The following ADGRF1 variants were observed in gnomAD, a reference collection of about 807,000 sequenced individuals.
The protein encoded by ADGRF1 is adhesion G protein-coupled receptor F1.
In ADGRF1, 85 loss-of-function variants were observed where a neutral mutation model predicts 87.2. That is an observed-to-expected ratio of 0.97 (90% CI 0.82 to 1.17). ADGRF1 has a LOEUF of 1.17. Among genes scored for constraint, ADGRF1 ranks in the 50% most tolerant of loss-of-function variants. The pLI is 0.00. For synonymous variants in ADGRF1, 430 were observed against 408.8 expected (o/e 1.05, Z -0.63); for missense variants, 1,169 against 1,077.2 (o/e 1.09, Z -1.19).
rs372362432 is a variant in ADGRF1 at position 47,010,252 on chromosome 6, G to A, written c.1183C>T (p.Arg395Trp). 17 of 1,613,696 alleles carry A rather than the reference G, an allele frequency of 1.1e-5. No homozygotes were observed. Among genetic ancestry groups the A allele is most frequent in the Admixed American group, 5.0e-5 (3 of 60,000 alleles). The change falls in exon 11 of 15, where the codon CGG (arginine) becomes TGG (tryptophan). Residue 395 changes from arginine (R) to tryptophan (W), a missense_variant. By Grantham distance (101) the Arg-to-Trp change is moderately radical (BLOSUM62 -3). Transcript: ENST00000371253. ...ASVTNWTVLL[R>W]EEKYASSRLL... ...CGTGAGCTGGCATACTTTTCTTCCC[G>A]CAGTAAGACTGTCCAGTTGGTTACT...
Position 47,042,253 on chromosome 6 carries a change from C to T in ADGRF1, c.-106G>A, listed in dbSNP as rs560789162. 6.6e-6 allele frequency: 1 copy of T among 152,282 alleles called. No homozygotes were observed. Among genetic ancestry groups the T allele is most frequent in the South Asian group, 2.1e-4 (1 of 4,820 alleles). 9.4% of individuals were successfully genotyped at this position (152,282 alleles called of 1,614,324 possible). On this transcript the variant is annotated 5_prime_UTR_variant, in exon 1 of 15. An upstream open reading frame in the 5' UTR loses its in-frame stop. Transcript: ENST00000371253. The stretch of plus-strand genomic sequence containing the variant: ...CCCTTCCTTCAGTATACTTGTGGCT[C>T]AATCACTTCTTATGCTGTTTGGAAA...
intron 12 of ADGRF1, among the ~76,000 whole-genome samples, chr6:47,006,230 C>T (rs375510189): frequency 3.3e-5 from 5 of 152,100 alleles, no homozygotes; most frequent in South Asian, 4.2e-4. Context: ...CAGCAAATTG[C>T]TTCTTTGTAG....
In ADGRF1 at chr6:47,020,746, T is replaced by C. The variant is rs763371244; in HGVS notation, c.596A>G (p.Gln199Arg). 7 of 1,613,970 alleles carry C rather than the reference T, an allele frequency of 4.3e-6. No individual in the cohort carries two copies. The South Asian group carries it at 7.7e-5, about 18-fold the overall frequency. ...TGTTACTTACCGAAATTGGGTGACC[T>C]GAACCGACTCAAAACCTTGAATTCT... ...YERIQGFESVQVTQFRNGSIV... is the reference protein window; with the variant it reads ...YERIQGFESVRVTQFRNGSIV... The change falls in exon 7 of 15, where the codon CAG becomes CGG. Residue 199 changes from glutamine (Q) to arginine (R), a missense_variant. Gln to Arg is a conservative substitution (Grantham distance 43, BLOSUM62 1). Transcript: ENST00000371253.
At chr6:47,037,746 CAA>C (rs1307444022) in intron 1 of ADGRF1, among the ~76,000 whole-genome samples, 1 of 152,148 alleles carries the variant, frequency 6.6e-6, no homozygotes, top group Non-Finnish European at 1.5e-5. Flanking sequence ...CTCCTGGGCT[CAA>C]GTGATCCTTC....
At chr6:47,000,530 C>T (rs1582130249) in intron 14 of ADGRF1, among the ~76,000 whole-genome samples, 1 of 152,080 alleles carries the variant, frequency 6.6e-6, no homozygotes, top group African/African-American at 2.4e-5. Context: ...TCAAATATTG[C>T]TGGGAAATGA....
At chr6:47,001,029 T>G (rs749058494) in intron 14 of ADGRF1, among the ~76,000 whole-genome samples, 1 of 152,234 alleles carries the variant, frequency 6.6e-6, no homozygotes, top group East Asian at 1.9e-4. Context: ...GAGGAGACAG[T>G]GCTCTTTCAC....
At chr6:47,013,827 G>T (rs1467437365) in intron 9 of ADGRF1, 1 of 183,302 alleles carries the variant, frequency 5.5e-6, no homozygotes, top group African/African-American at 2.4e-5. Context: ...CACAAGATCT[G>T]GTTGTTTAAA....
rs1779283631 is a variant in ADGRF1, at chr6:46,998,971, G to A, written c.*1251C>T. On this transcript the variant is annotated 3_prime_UTR_variant, in exon 15 of 15. Coordinates refer to ENST00000371253, the MANE Select transcript of ADGRF1 (RefSeq NM_153840.4). ...CCACTAACTAGAAGTTCCCCCAGCT[G>A]TCTTTATTTGCATAGCATGAAGGCT... 6.6e-6 allele frequency: 1 copy of A among 152,234 alleles called. No homozygotes were observed. Among genetic ancestry groups the A allele is most frequent in the Non-Finnish European group, 1.5e-5 (1 of 68,058 alleles). 9.4% of individuals were successfully genotyped at this position (152,234 alleles called of 1,614,324 possible).
At chr6:47,001,635 G>T in intron 13 of ADGRF1, 68 bp from the exon 14 acceptor site, 3 of 1,221,670 alleles carry the variant, frequency 2.5e-6, no homozygotes, top group Non-Finnish European at 2.4e-6. Flanking sequence ...TGCATTTCCT[G>T]ACTTCCTGAT....
chr6:47,026,284 T>C (rs139518912), intron 3 of ADGRF1, among the ~76,000 whole-genome samples: 279 of 152,194 alleles, frequency 1.8e-3, no homozygotes, highest in African/African-American at 6.1e-3. Flanking sequence ...CCCAATGTTA[T>C]ACACTTCCTC....
At chr6:47,038,127 C>T (rs1191832860) in intron 1 of ADGRF1, among the ~76,000 whole-genome samples, 1 of 152,210 alleles carries the variant, frequency 6.6e-6, no homozygotes, top group East Asian at 1.9e-4. Context: ...TCCAGAAGTG[C>T]TGGGATTACA....
intron 1 of ADGRF1, among the ~76,000 whole-genome samples, chr6:47,038,706 G>T (rs1780660330): frequency 6.6e-6 from 1 of 152,182 alleles, no homozygotes; most frequent in South Asian, 2.1e-4. Flanking sequence ...CTGTAAGCTT[G>T]TTTAATGAGG....
intron 7 of ADGRF1, chr6:47,019,088 CAG>C (rs1779962043): frequency 5.3e-6 from 1 of 190,078 alleles, no homozygotes; most frequent in South Asian, 1.8e-4. Context: ...CAAAATGAAA[CAG>C]AACAAAAGTA....
chr6:47,030,939 T>G (rs955597528), intron 1 of ADGRF1, among the ~76,000 whole-genome samples: 1 of 151,998 alleles, frequency 6.6e-6, no homozygotes, highest in Non-Finnish European at 1.5e-5. Context: ...ATTTTTGTAT[T>G]TTTAGTCGAG....
intron 4 of ADGRF1, among the ~76,000 whole-genome samples, chr6:47,025,145 CT>C (rs888849644): frequency 3.3e-5 from 5 of 151,582 alleles, no homozygotes; most frequent in African/African-American, 7.3e-5. Flanking sequence ...CCGAAGTCGT[CT>C]TTTTTTTTCT....
intron 13 of ADGRF1, among the ~76,000 whole-genome samples, chr6:47,003,594 C>T (rs947350823): frequency 3.3e-5 from 5 of 152,180 alleles, no homozygotes; most frequent in Non-Finnish European, 7.3e-5. Flanking sequence ...GATTCCAGGT[C>T]TTCAGATAAT....
chr6:47,020,594 T>C, intron 7 of ADGRF1, 137 bp downstream of exon 7: 1 of 1,528,496 alleles, frequency 6.5e-7, no homozygotes, highest in Non-Finnish European at 8.8e-7. Context: ...AGATCCTTGT[T>C]CACTTAGTAA....
In ADGRF1 at chr6:47,002,582, T is replaced by C. The variant is rs145789773; in HGVS notation, c.2593-1015A>G. ...GAATTTTAGGTTGTAACATACTCAA[T>C]ATACTTCCTTGTGGTCTGGGAAGAA... On this transcript the variant is annotated intron_variant, in intron 13 of 14. Coordinates refer to ENST00000371253, the MANE Select transcript of ADGRF1 (RefSeq NM_153840.4). 8.9e-3 allele frequency among the ~76,000 whole-genome samples: 1,350 copies of C among 152,274 alleles called. 21 individuals are homozygous for C. Among genetic ancestry groups the C allele is most frequent in the African/African-American group, 0.03 (1,265 of 41,546 alleles).
chr6:47,034,900 T>G (rs534647023), intron 1 of ADGRF1, among the ~76,000 whole-genome samples: 1 of 152,308 alleles, frequency 6.6e-6, no homozygotes, highest in Non-Finnish European at 1.5e-5. Context: ...AGCTCAAGAG[T>G]ATTTCTCCTG....
Sources: allele counts gnomAD v4.1 joint callset (sites outside exome capture counted in the v4.1 genomes callset), GRCh38; gene constraint gnomAD v4.1.1; transcripts MANE v1.5; gene names NCBI Gene and HGNC (gene_info 2026-07-23, HGNC 2026-07-21).